VIRMA: variants seen among roughly 807,000 people sequenced by gnomAD.
VIRMA encodes protein virilizer homolog.
In VIRMA, 65 loss-of-function variants were observed where a neutral mutation model predicts 182.4. That is an observed-to-expected ratio of 0.36 (90% CI 0.29 to 0.44). The LOEUF (loss-of-function observed/expected upper bound fraction) is 0.44. Ranked by LOEUF, VIRMA falls within the 20% of genes least tolerant of loss-of-function variation. The pLI is 1.00. For missense variants in VIRMA, 1,752 were observed against 2,158.1 expected, an observed-to-expected ratio of 0.81 and a Z score of 3.73; for synonymous variants, 709 against 743.1, an observed-to-expected ratio of 0.95 and a Z score of 0.75.
chr8:94,499,638 G>T, intron 16 of VIRMA, 132 bp from the exon 17 acceptor site: 1 of 572,444 alleles, frequency 1.7e-6, no homozygotes, highest in Non-Finnish European at 2.8e-6. Flanking sequence ...GAAGTACTTT[G>T]GTGTGTCTTT....
chr8:94,514,075 ATACT>A (rs1563465914), intron 11 of VIRMA, among the ~76,000 whole-genome samples: 1 of 142,292 alleles, frequency 7.0e-6, no homozygotes, highest in Non-Finnish European at 1.6e-5. Context: ...GATGGCTTAT[ATACT>A]CTCTCTCTCT....
intron 4 of VIRMA, among the ~76,000 whole-genome samples, chr8:94,536,523 C>T (rs72674852): frequency 0.24 from 36,350 of 152,198 alleles, 5,355 homozygotes; most frequent in East Asian, 0.5. Flanking sequence ...GCCTGCCTGT[C>T]GTCTTCTGAA....
At chr8:94,531,956 T>C (rs1815188067) in intron 5 of VIRMA, among the ~76,000 whole-genome samples, 1 of 152,220 alleles carries the variant, frequency 6.6e-6, no homozygotes, top group African/African-American at 2.4e-5. Flanking sequence ...ATTCCATTGA[T>C]GTAACGTGTA....
chr8:94,510,285 A>T (rs1159260698), intron 14 of VIRMA, 132 bp downstream of exon 14: 5 of 645,660 alleles, frequency 7.7e-6, no homozygotes, highest in Non-Finnish European at 1.3e-5. Flanking sequence ...GTGCATATGT[A>T]GGTATATGTG....
intron 6 of VIRMA, 101 bp from the exon 7 acceptor site, chr8:94,529,443 G>T: frequency 3.1e-6 from 2 of 637,012 alleles, no homozygotes; most frequent in Admixed American, 2.9e-5. Context: ...GGTTGATATA[G>T]TTTATAAATA....
At chr8:94,499,999 G>A (rs1451971308) in intron 16 of VIRMA, among the ~76,000 whole-genome samples, 1 of 143,826 alleles carries the variant, frequency 7.0e-6, no homozygotes. Flanking sequence ...GTTGCAGCGA[G>A]CCGAAATCAC....
rs777418250 is a variant in VIRMA at position 94,534,894 on chromosome 8, AGGTGGTGGT to A, written c.420_428del (p.Pro147_Pro149del). On this transcript the variant is annotated inframe_deletion, in exon 5 of 24. Coordinates refer to ENST00000297591, the MANE Select transcript of VIRMA (RefSeq NM_015496.5). ...GTGGCTGGGGAGGTGGTGGCGGTGG[AGGTGGTGGT>A]GGTGGAGAGTCTCTGTCATGACTTA... 9 of 1,423,284 alleles carry A rather than the reference AGGTGGTGGT, an allele frequency of 6.3e-6. No individual in the cohort carries two copies. Among genetic ancestry groups the A allele is most frequent in the Non-Finnish European group, 7.8e-6 (8 of 1,029,256 alleles). The allele number at this position is 1,423,284 out of a possible 1,614,324, so 88.2% of individuals were successfully genotyped here.
chr8:94,535,781 CAA>C (rs56126709), intron 4 of VIRMA, among the ~76,000 whole-genome samples: 36 of 87,680 alleles, frequency 4.1e-4, no homozygotes, highest in Admixed American at 4.7e-4. Context: ...GACTTGGTCT[CAA>C]AAAAAAAAAA....
chr8:94,535,109 A>G (rs1815295642), intron 4 of VIRMA, 102 bp from the exon 5 acceptor site: 2 of 1,479,530 alleles, frequency 1.4e-6, no homozygotes, highest in Non-Finnish European at 1.8e-6. Context: ...AAAGTCTTTA[A>G]AAGTATGCTG....
intron 16 of VIRMA, among the ~76,000 whole-genome samples, chr8:94,500,720 T>TA (rs1406434092): frequency 2.0e-5 from 3 of 148,304 alleles, no homozygotes; most frequent in Admixed American, 6.8e-5. Context: ...CACACACACC[T>TA]ATCATACAAC....
In VIRMA at chr8:94,506,714, T is replaced by C. The variant is rs1814164537; in HGVS notation, c.3883A>G (p.Ile1295Val). The change falls in exon 16 of 24, where the codon ATT becomes GTT. Residue 1295 changes from isoleucine to valine, a missense_variant. Ile to Val is a conservative substitution (Grantham distance 29, BLOSUM62 3). Coordinates refer to ENST00000297591, the MANE Select transcript of VIRMA (RefSeq NM_015496.5). ...SILQSLCDQD[I>V]ALILPSSSEG... ...GAAGAGCTTGGTAAGATAAGTGCAATGTCCTGTGGGGAGCAGGGAAAAAAA... is the reference window on the plus strand; with the variant it reads ...GAAGAGCTTGGTAAGATAAGTGCAACGTCCTGTGGGGAGCAGGGAAAAAAA... 1.2e-6 allele frequency: 2 copies of C among 1,607,254 alleles called. No individual in the cohort carries two copies. Among genetic ancestry groups the C allele is most frequent in the Non-Finnish European group, 1.7e-6 (2 of 1,176,038 alleles).
At chr8:94,550,164 T>C (rs570627101) in intron 1 of VIRMA, among the ~76,000 whole-genome samples, 1 of 152,246 alleles carries the variant, frequency 6.6e-6, no homozygotes, top group African/African-American at 2.4e-5. Context: ...GCCCACTGTG[T>C]CTGGCACAAA....
chr8:94,528,231 CAAAAAAA>C (rs11368037), intron 7 of VIRMA, among the ~76,000 whole-genome samples: 1 of 91,828 alleles, frequency 1.1e-5, no homozygotes, highest in Admixed American at 1.1e-4. Context: ...GACTTTGTCT[CAAAAAAA>C]AAAAAAAAAA....
intron 8 of VIRMA, among the ~76,000 whole-genome samples, chr8:94,522,159 T>G (rs546694855): frequency 6.6e-6 from 1 of 152,342 alleles, no homozygotes; most frequent in East Asian, 1.9e-4. Flanking sequence ...TAGCTTGATA[T>G]AATTATTCCA....
chr8:94,515,953 C>T (rs1004812889), intron 10 of VIRMA, among the ~76,000 whole-genome samples: 2 of 151,538 alleles, frequency 1.3e-5, no homozygotes, highest in African/African-American at 2.4e-5. Flanking sequence ...ACTAGAAATA[C>T]AAAAACTAGC....
intron 11 of VIRMA, among the ~76,000 whole-genome samples, chr8:94,514,110 C>T (rs1022258140): frequency 3.3e-5 from 5 of 151,948 alleles, no homozygotes; most frequent in African/African-American, 1.2e-4. Flanking sequence ...CACGCAAACA[C>T]ACGTGCATGC....
chr8:94,488,995 T>C (rs1813533604), intron 23 of VIRMA, 135 bp from the exon 24 acceptor site: 7 of 829,672 alleles, frequency 8.4e-6, no homozygotes, highest in Non-Finnish European at 1.3e-5. Flanking sequence ...GCACGGTGAA[T>C]GGGCCAAAGA....
At chr8:94,493,820 T>C (rs1319130623) in intron 20 of VIRMA, among the ~76,000 whole-genome samples, 1 of 152,230 alleles carries the variant, frequency 6.6e-6, no homozygotes, top group African/African-American at 2.4e-5. Context: ...AGGAACAATG[T>C]ACTGTATAAT....
chr8:94,537,135 T>A lies in VIRMA; in HGVS notation c.283A>T (p.Asn95Tyr). The A allele has an allele frequency of 1.2e-6, 2 of 1,603,086 alleles. No individual in the cohort carries two copies. The highest frequency in any genetic ancestry group is 1.3e-5 in the African/African-American group (1 of 74,802). ...TTAGGTCTAAAGATGATGGAAGTAT[T>A]CTCATCATATTCCAGGCTGTCAAGA... is the stretch of plus-strand genomic sequence containing the variant. Reference protein sequence around the residue: ...DRLGSLEYDENTSIIFRPNSK... With the variant: ...DRLGSLEYDEYTSIIFRPNSK... The change falls in exon 4 of 24, where the codon AAT (asparagine) becomes TAT (tyrosine). Residue 95 changes from asparagine (N) to tyrosine (Y), a missense_variant. Physicochemically the swap from Asn to Tyr is moderately radical, Grantham distance 143. Coordinates refer to ENST00000297591, the MANE Select transcript of VIRMA (RefSeq NM_015496.5).
Sources: gnomAD v4.1 joint callset for allele counts (sites outside exome capture counted in the v4.1 genomes callset) on GRCh38, gnomAD v4.1.1 for gene constraint, MANE v1.5 for transcripts, NCBI Gene and HGNC (gene_info 2026-07-23, HGNC 2026-07-21) for gene names.